The following ALX4 variants were observed in gnomAD, a reference collection of about 807,000 sequenced individuals.
The protein encoded by ALX4 is ALX homeobox 4.
In ALX4, 22 loss-of-function variants were observed where a neutral mutation model predicts 40.6. The observed-to-expected ratio is 0.54, with a 90% CI of 0.39 to 0.77. ALX4 has a LOEUF of 0.77. Among genes scored for constraint, ALX4 ranks in the 30% least tolerant of loss-of-function variants. The pLI is 0.00. For missense variants in ALX4, 556 were observed against 564.8 expected, an observed-to-expected ratio of 0.98 and a Z score of 0.16; for synonymous variants, 266 against 240.5, an observed-to-expected ratio of 1.11 and a Z score of -0.98.
chr11:44,265,972 TG>T (rs11335898), intron 3 of ALX4, among the ~76,000 whole-genome samples: 8,979 of 152,232 alleles, frequency 0.059, 291 homozygotes, highest in Middle Eastern at 0.13. Context: ...AATTAGGGTG[TG>T]GGGGAGACCC....
chr11:44,270,361 G>C (rs549490364), intron 2 of ALX4, among the ~76,000 whole-genome samples: 1 of 151,982 alleles, frequency 6.6e-6, no homozygotes, highest in South Asian at 2.1e-4. Flanking sequence ...GTGAGCGACC[G>C]GTGGGAGCAG....
chr11:44,277,481 G>A (rs982743465), intron 1 of ALX4, among the ~76,000 whole-genome samples: 3 of 152,200 alleles, frequency 2.0e-5, no homozygotes, highest in Admixed American at 1.3e-4. Flanking sequence ...GACCTTTCAC[G>A]TGCACGAGCT....
rs1956181414 is a variant in ALX4 at position 44,261,372 on chromosome 11, C to T, written c.*3482G>A. 1 of 152,228 alleles carries T rather than the reference C, an allele frequency of 6.6e-6. No individual in the cohort carries two copies. The highest frequency in any genetic ancestry group is 2.1e-4 in the South Asian group (1 of 4,828). 9.4% of individuals were successfully genotyped at this position (152,228 alleles called of 1,614,324 possible). A position where few individuals can be genotyped will look rare whatever the true frequency, so the allele number is the denominator to read the frequency against. On this transcript the variant is annotated 3_prime_UTR_variant, in exon 4 of 4. Transcript: ENST00000652299. ...CACGGAGCTGGGTCCAGTGTGATCACAGCTGTGTGTGCTGGGGACCCACCC... is the reference window on the plus strand; with the variant it reads ...CACGGAGCTGGGTCCAGTGTGATCATAGCTGTGTGTGCTGGGGACCCACCC...
rs964214818 is a variant in ALX4, at chr11:44,263,828, C to G, written c.*1026G>C. The G allele has an allele frequency of 6.6e-6, 1 of 152,378 alleles. No homozygotes were observed. Among genetic ancestry groups the G allele is most frequent in the Non-Finnish European group, 1.5e-5 (1 of 68,162 alleles). The allele number at this position is 152,378 out of a possible 1,614,324, so 9.4% of individuals were successfully genotyped here. ...TCCGAAGTTGTGAGTCCTTCCATGC[C>G]GGGACACTGCTGAGCAGCCCCAGGG... is the stretch of plus-strand genomic sequence containing the variant. On this transcript the variant is annotated 3_prime_UTR_variant, in exon 4 of 4. Coordinates refer to ENST00000652299, the MANE Select transcript of ALX4 (RefSeq NM_021926.4).
intron 1 of ALX4, among the ~76,000 whole-genome samples, chr11:44,280,846 G>A (rs928910852): frequency 1.3e-5 from 2 of 152,194 alleles, no homozygotes; most frequent in Admixed American, 6.5e-5. Flanking sequence ...ATTCTCAATC[G>A]GGAGCCACTG....
At chr11:44,270,875 GCCAGGGCGGGGTGGC>G (rs1009620875) in intron 2 of ALX4, among the ~76,000 whole-genome samples, 16 of 152,326 alleles carry the variant, frequency 1.1e-4, no homozygotes, top group South Asian at 2.1e-4. Context: ...CCCATCTGGG[GCCAGGGCGGGGTGGC>G]CCAGGGCGGG....
intron 2 of ALX4, among the ~76,000 whole-genome samples, chr11:44,269,564 A>C (rs1409262162): frequency 6.6e-6 from 1 of 152,234 alleles, no homozygotes; most frequent in Non-Finnish European, 1.5e-5. Flanking sequence ...GCATGTGTGC[A>C]CACACATTGA....
intron 3 of ALX4, 147 bp from the exon 4 acceptor site, chr11:44,265,330 A>T (rs1956207316): frequency 2.6e-5 from 21 of 811,692 alleles, no homozygotes; most frequent in Non-Finnish European, 3.9e-5. Flanking sequence ...GGACATCCAG[A>T]TACCCCTGTG....
At chr11:44,306,687 A>G (rs1234740451) in intron 1 of ALX4, among the ~76,000 whole-genome samples, 1 of 152,120 alleles carries the variant, frequency 6.6e-6, no homozygotes, top group Non-Finnish European at 1.5e-5. Context: ...CTTGAACTCC[A>G]TTTCTCCGCT....
At chr11:44,297,850 G>A (rs1042491767) in intron 1 of ALX4, among the ~76,000 whole-genome samples, 7 of 152,114 alleles carry the variant, frequency 4.6e-5, no homozygotes, top group South Asian at 2.1e-4. Flanking sequence ...TCCCTTACCC[G>A]AAGACTTAGT....
At position 44,305,874 on chromosome 11, in the gene ALX4, G is replaced by A. The variant is rs529933153; in HGVS notation, c.466+3723C>T. On this transcript the variant is annotated intron_variant, in intron 1 of 3. Transcript: ENST00000652299. ...CGAAAGGGAAGGGAGAAGAGGGGCA[G>A]CTTCCCGCAGCGGCCCCGCGTCTCG... Among the ~76,000 whole-genome samples, 13 of 152,394 alleles carry A rather than the reference G, an allele frequency of 8.5e-5. No individual in the cohort carries two copies. The South Asian group carries it at 2.5e-3, about 29-fold the overall frequency.
At chr11:44,290,373 T>C (rs557426946) in intron 1 of ALX4, among the ~76,000 whole-genome samples, 1 of 151,596 alleles carries the variant, frequency 6.6e-6, no homozygotes, top group East Asian at 1.9e-4. Context: ...ATTTGCTACA[T>C]TGATTCATTC....
intron 1 of ALX4, among the ~76,000 whole-genome samples, chr11:44,279,022 A>C (rs1481991795): frequency 6.6e-6 from 1 of 152,152 alleles, no homozygotes; most frequent in Non-Finnish European, 1.5e-5. Context: ...GCTCCACTCA[A>C]CTGGTCAGAA....
chr11:44,273,738 G>T (rs1479430891), intron 2 of ALX4, among the ~76,000 whole-genome samples: 2 of 152,058 alleles, frequency 1.3e-5, no homozygotes, highest in Non-Finnish European at 2.9e-5. Context: ...ATTACTTGAG[G>T]CCAGGAGTTT....
At position 44,281,974 on chromosome 11, in the gene ALX4, C is replaced by A. The variant is rs1590694713; in HGVS notation, c.467-6316G>T. ...CCAGTGGCACAGGCCATCCTGCTCA[C>A]CCACAGCCACCAACCCAAGCCCTGA... is the stretch of plus-strand genomic sequence containing the variant. On this transcript the variant is annotated intron_variant, in intron 1 of 3. Coordinates refer to ENST00000652299, the MANE Select transcript of ALX4 (RefSeq NM_021926.4). 2.6e-5 allele frequency among the ~76,000 whole-genome samples: 4 copies of A among 152,308 alleles called. No homozygotes were observed. In the South Asian group the frequency reaches 8.3e-4, roughly 32 times the overall value.
At chr11:44,309,258 G>C (rs529352926) in intron 1 of ALX4, among the ~76,000 whole-genome samples, 1 of 133,244 alleles carries the variant, frequency 7.5e-6, no homozygotes, top group African/African-American at 2.6e-5. Context: ...GAGACTCCTT[G>C]CCGCCGCACG....
intron 1 of ALX4, among the ~76,000 whole-genome samples, chr11:44,303,256 A>T (rs757916324): frequency 5.9e-5 from 9 of 151,834 alleles, no homozygotes; most frequent in Non-Finnish European, 1.2e-4. Context: ...ATGAAAATCC[A>T]CTCTTAAAGA....
Position 44,310,136 on chromosome 11 carries a change from G to T in ALX4, c.-74C>A. On this transcript the variant is annotated 5_prime_UTR_variant, in exon 1 of 4. Transcript: ENST00000652299. Reference sequence around the variant, plus strand: ...ACGCCACCGCGCGCCTTGGCTGGGAGTTTGGGGAGGCGAGGAGGCTGTGGC... The same window carrying T: ...ACGCCACCGCGCGCCTTGGCTGGGATTTTGGGGAGGCGAGGAGGCTGTGGC... The T allele has an allele frequency of 6.7e-7, 1 of 1,501,644 alleles. No homozygotes were observed. The highest frequency in any genetic ancestry group is 2.1e-5 in the Admixed American group (1 of 47,694). The allele number at this position is 1,501,644 out of a possible 1,614,324, so 93.0% of individuals were successfully genotyped here. A position where few individuals can be genotyped will look rare whatever the true frequency, so the allele number is the denominator to read the frequency against.
chr11:44,273,945 C>A (rs759274970), intron 2 of ALX4, among the ~76,000 whole-genome samples: 1 of 151,832 alleles, frequency 6.6e-6, no homozygotes, highest in African/African-American at 2.4e-5. Context: ...AGAGAGAGAC[C>A]CAGTCTCTTT....
Sources: gnomAD v4.1 joint callset for allele counts (sites outside exome capture counted in the v4.1 genomes callset) on GRCh38, gnomAD v4.1.1 for gene constraint, MANE v1.5 for transcripts, NCBI Gene and HGNC (gene_info 2026-07-23, HGNC 2026-07-21) for gene names.